The following CCDC92B variants were observed in gnomAD, a reference collection of about 807,000 sequenced individuals.
The protein encoded by CCDC92B is coiled-coil domain-containing 92B.
CCDC92B carries 2 observed loss-of-function variants against 5.6 expected under a neutral mutation model. The ratio of observed to expected loss-of-function variants is 0.36; its 90% CI spans 0.15 to 1.12. The LOEUF is 1.12. CCDC92B is among the 50% of genes most tolerant of loss of function. The pLI is 0.40. For missense variants in CCDC92B, 271 were observed against 262.2 expected (o/e 1.03, Z -0.23); for synonymous variants, 115 against 122.3 (o/e 0.94, Z 0.39).
intron 2 of CCDC92B, among the ~76,000 whole-genome samples, chr17:2,732,481 C>T (rs369575307): frequency 6.6e-6 from 1 of 152,280 alleles, no homozygotes; most frequent in South Asian, 2.1e-4. Context: ...CTTTGGGAGG[C>T]CACGGTGGGC....
chr17:2,726,630 T>G (rs1438335818), intron 3 of CCDC92B, among the ~76,000 whole-genome samples: 1 of 152,000 alleles, frequency 6.6e-6, no homozygotes, highest in Non-Finnish European at 1.5e-5. Flanking sequence ...TTTGTTGTTG[T>G]TGAGGCAGAG....
At chr17:2,733,221 T>A (rs1008086565) in intron 2 of CCDC92B, among the ~76,000 whole-genome samples, 1 of 150,912 alleles carries the variant, frequency 6.6e-6, no homozygotes, top group Non-Finnish European at 1.5e-5. Flanking sequence ...CAGAAAGAAA[T>A]GACAGGAGCT....
intron 1 of CCDC92B, chr17:2,748,546 G>T: frequency 1.0e-6 from 1 of 983,256 alleles, no homozygotes; most frequent in Non-Finnish European, 1.2e-6. Flanking sequence ...GTGTGCATGT[G>T]CCTGAATGCA....
chr17:2,724,994 G>A lies in CCDC92B; in HGVS notation c.185C>T (p.Ala62Val), dbSNP rs1446396668. ...GCACTTGCTCTCCAGCTCCCGGGAC[G>A]CCGCCTCTGGAACGGGGCAGAGGCC... ...REAQSHQQEA[A>V]SRELESKCRA... is the part of the protein sequence containing the mutation. The change falls in exon 4 of 4, where the codon GCG (alanine) becomes GTG (valine). Residue 62 changes from alanine to valine, a missense_variant. By Grantham distance (64) the Ala-to-Val change is moderately conservative. Transcript: ENST00000614400. This position sits in a 1 kb window ranked among gnomAD's most constrained non-coding sequence, Gnocchi z 5.0. The A allele has an allele frequency of 7.1e-6, 7 of 985,144 alleles. No homozygotes were observed. Among genetic ancestry groups the A allele is most frequent in the Non-Finnish European group, 8.4e-6 (7 of 829,932 alleles). 61.0% of individuals were successfully genotyped at this position (985,144 alleles called of 1,614,324 possible). A position where few individuals can be genotyped will look rare whatever the true frequency, so the allele number is the denominator to read the frequency against.
Position 2,721,135 on chromosome 17 carries a change from T to C in CCDC92B, c.*3276A>G. On this transcript the variant is annotated 3_prime_UTR_variant, in exon 4 of 4. Coordinates refer to ENST00000614400, the MANE Select transcript of CCDC92B (RefSeq NM_001355573.2). ...ATCCTACTGCTTATATGGGGAAGGG[T>C]TATCCCATTTTGGCCCTGGACTAGT... The C allele has an allele frequency of 6.6e-6, 1 of 152,448 alleles. No homozygotes were observed. The highest frequency in any genetic ancestry group is 1.5e-5 in the Non-Finnish European group (1 of 68,182). The allele number at this position is 152,448 out of a possible 1,614,324, so 9.4% of individuals were successfully genotyped here. A position where few individuals can be genotyped will look rare whatever the true frequency, so the allele number is the denominator to read the frequency against.
chr17:2,734,636 C>T (rs1198335869), intron 2 of CCDC92B, among the ~76,000 whole-genome samples: 1 of 151,888 alleles, frequency 6.6e-6, no homozygotes, highest in East Asian at 1.9e-4. Context: ...ACTACAAGCG[C>T]CCACCACCGT....
Position 2,749,580 on chromosome 17 carries a change from G to A in CCDC92B, c.-193C>T, listed in dbSNP as rs2071031137. 6.6e-6 allele frequency: 1 copy of A among 150,888 alleles called. No homozygotes were observed. The highest frequency in any genetic ancestry group is 1.5e-5 in the Non-Finnish European group (1 of 67,572). The allele number at this position is 150,888 out of a possible 1,614,324, so 9.3% of individuals were successfully genotyped here. A position where few individuals can be genotyped will look rare whatever the true frequency, so the allele number is the denominator to read the frequency against. On this transcript the variant is annotated 5_prime_UTR_variant, in exon 1 of 4. Coordinates refer to ENST00000614400, the MANE Select transcript of CCDC92B (RefSeq NM_001355573.2). ...GCGGGGCAGTCGGGCCGGGGCTCCG[G>A]GGGGCTCGGGGGCGCCGAAGGGGGG...
chr17:2,732,882 A>G (rs1045497740), intron 2 of CCDC92B, among the ~76,000 whole-genome samples: 143 of 147,952 alleles, frequency 9.7e-4, no homozygotes, highest in Middle Eastern at 3.7e-3. Context: ...GCGTGTTGGC[A>G]GGCGCCTGTA....
chr17:2,726,429 G>A (rs1319382885), intron 3 of CCDC92B, among the ~76,000 whole-genome samples: 5 of 151,514 alleles, frequency 3.3e-5, no homozygotes, highest in Admixed American at 2.0e-4. Flanking sequence ...TGATCCGCCT[G>A]CCTCAGCCTC....
At chr17:2,729,927 G>A (rs2070774856) in intron 3 of CCDC92B, among the ~76,000 whole-genome samples, 1 of 152,122 alleles carries the variant, frequency 6.6e-6, no homozygotes, top group African/African-American at 2.4e-5. Flanking sequence ...GTTCCTTGAA[G>A]TCAAGGAACC....
At chr17:2,749,254 T>G (rs2071026001) in intron 1 of CCDC92B, among the ~76,000 whole-genome samples, 157 bp downstream of exon 1, 1 of 152,036 alleles carries the variant, frequency 6.6e-6, no homozygotes, top group Non-Finnish European at 1.5e-5. Flanking sequence ...GGACAACTTC[T>G]GCCAGCAGCC....
intron 3 of CCDC92B, among the ~76,000 whole-genome samples, chr17:2,728,404 T>G (rs112391223): frequency 0.097 from 14,743 of 151,494 alleles, 940 homozygotes; most frequent in Middle Eastern, 0.14. Flanking sequence ...TCAGGAGATC[T>G]AGACCATCCT....
intron 1 of CCDC92B, among the ~76,000 whole-genome samples, chr17:2,746,761 C>T (rs1302378898): frequency 1.3e-5 from 2 of 152,130 alleles, no homozygotes; most frequent in African/African-American, 4.8e-5. Flanking sequence ...ACCTCCGCCT[C>T]CTGGGTTCAA....
rs1445711186 is a variant in CCDC92B, at chr17:2,724,220, C to G, written c.*191G>C. ...GGAACTCTCGCGCGAGGAGAGGGCTCGAAGCTTTGGAAACGTCGGGAAGTA... is the reference window on the plus strand; with the variant it reads ...GGAACTCTCGCGCGAGGAGAGGGCTGGAAGCTTTGGAAACGTCGGGAAGTA... On this transcript the variant is annotated 3_prime_UTR_variant, in exon 4 of 4. Transcript: ENST00000614400. The surrounding 1 kb of genome is among the most constrained non-coding windows in gnomAD (Gnocchi z 5.0). The G allele has an allele frequency of 4.1e-6, 4 of 985,282 alleles. No individual in the cohort carries two copies. Among genetic ancestry groups the G allele is most frequent in the Non-Finnish European group, 4.8e-6 (4 of 829,884 alleles). 61.0% of individuals were successfully genotyped at this position (985,282 alleles called of 1,614,324 possible).
At position 2,723,322 on chromosome 17, in the gene CCDC92B, T is replaced by A. The variant is rs2070679376; in HGVS notation, c.*1089A>T. 1 of 152,740 alleles carries A rather than the reference T, an allele frequency of 6.5e-6. No homozygotes were observed. Among genetic ancestry groups the A allele is most frequent in the South Asian group, 2.1e-4 (1 of 4,840 alleles). The allele number at this position is 152,740 out of a possible 1,614,324, so 9.5% of individuals were successfully genotyped here. ...CTCCTGCCTCAGCCTCCGGAGTAGC[T>A]GGGATTACAGGCGTGCACCACCACG... On this transcript the variant is annotated 3_prime_UTR_variant, in exon 4 of 4. Transcript: ENST00000614400.
chr17:2,740,904 T>C (rs1483647293), intron 1 of CCDC92B, among the ~76,000 whole-genome samples: 1 of 139,956 alleles, frequency 7.1e-6, no homozygotes, highest in African/African-American at 2.7e-5. Flanking sequence ...AGGTCAAGTC[T>C]GCGGTGAGCC....
At position 2,723,187 on chromosome 17, in the gene CCDC92B, T is replaced by TA. The variant is rs2070677199; in HGVS notation, c.*1223_*1224insT. 1 of 153,052 alleles carries TA rather than the reference T, an allele frequency of 6.5e-6. No individual in the cohort carries two copies. Among genetic ancestry groups the TA allele is most frequent in the African/African-American group, 2.4e-5 (1 of 41,454 alleles). 9.5% of individuals were successfully genotyped at this position (153,052 alleles called of 1,614,324 possible). On this transcript the variant is annotated 3_prime_UTR_variant, in exon 4 of 4. Coordinates refer to ENST00000614400, the MANE Select transcript of CCDC92B (RefSeq NM_001355573.2). ...CTGCCACTTCCAAGAAGCCAGGCCC[T>TA]TCTTCTTTTTTTCGTTTTTGAGACG...
intron 1 of CCDC92B, among the ~76,000 whole-genome samples, chr17:2,743,070 CCTGA>C (rs1024289691): frequency 2.0e-5 from 3 of 152,210 alleles, no homozygotes; most frequent in South Asian, 4.1e-4. Flanking sequence ...GCAGTAGGCT[CCTGA>C]CTGTCATCTC....
chr17:2,737,596 C>G (rs1475430176), intron 1 of CCDC92B, among the ~76,000 whole-genome samples: 1 of 151,040 alleles, frequency 6.6e-6, no homozygotes, highest in African/African-American at 2.4e-5. Context: ...CTCAGCCTCC[C>G]GAGTAGCTGG....
Sources: allele counts gnomAD v4.1 joint callset (sites outside exome capture counted in the v4.1 genomes callset), GRCh38; gene constraint gnomAD v4.1.1; non-coding constraint Gnocchi (gnomAD v3.1); transcripts MANE v1.5; gene names NCBI Gene and HGNC (gene_info 2026-07-23, HGNC 2026-07-21).